Variants in RMDN2 observed in about 807,000 individuals in gnomAD.
RMDN2 encodes regulator of microtubule dynamics 2, also known as regulator of microtubule dynamics protein 2.
A neutral mutation model predicts 52.8 loss-of-function variants in RMDN2; 61 were observed. The ratio of observed to expected loss-of-function variants is 1.16; its 90% confidence interval spans 0.94 to 1.43. RMDN2 has a LOEUF of 1.43. Among genes scored for constraint, RMDN2 ranks in the 40% most tolerant of loss-of-function variants. The probability of loss-of-function intolerance (pLI) is 0.00; values close to 1 mark genes in which losing one functional copy is unlikely to be tolerated. For synonymous variants in RMDN2, 180 were observed against 153.1 expected, an observed-to-expected ratio of 1.18 and a Z score of -1.30; for missense variants, 592 against 475.3, an observed-to-expected ratio of 1.25 and a Z score of -2.28.
chr2:38,009,173 A>G (rs1171004983), intron 10 of RMDN2, among the ~76,000 whole-genome samples: 1 of 152,056 alleles, frequency 6.6e-6, no homozygotes, highest in Non-Finnish European at 1.5e-5. Context: ...GAATCTGACA[A>G]TTACATGTCT....
In RMDN2 at chr2:38,044,253, T is replaced by C. The variant is rs147414103; in HGVS notation, c.1714-22729T>C. ...CTTGATAAGAAATCTGATGTAATTC[T>C]TATTGTTGTCTCTCTACAGGTAAAG... On this transcript the variant is annotated intron_variant, in intron 10 of 10. Coordinates refer to the RMDN2 transcript ENST00000234195. 7.1e-3 allele frequency among the ~76,000 whole-genome samples: 1,081 copies of C among 152,218 alleles called. 11 individuals are homozygous for C. Among genetic ancestry groups the C allele is most frequent in the African/African-American group, 0.025 (1,027 of 41,586 alleles).
At chr2:38,015,711 C>G (rs574466712) in intron 10 of RMDN2, among the ~76,000 whole-genome samples, 1 of 152,316 alleles carries the variant, frequency 6.6e-6, no homozygotes. Flanking sequence ...AAACCAGCAT[C>G]CGGGCAAGAA....
upstream of RMDN2, among the ~76,000 whole-genome samples, chr2:37,922,485 C>T (rs572708942): frequency 6.6e-6 from 1 of 152,094 alleles, no homozygotes; most frequent in African/African-American, 2.4e-5. Context: ...TACATTTCCT[C>T]ATGCTTTTCC....
chr2:38,045,055 G>C (rs1039598388), intron 10 of RMDN2, among the ~76,000 whole-genome samples: 1 of 150,772 alleles, frequency 6.6e-6, no homozygotes, highest in African/African-American at 2.4e-5. Flanking sequence ...GATTATTTTT[G>C]TCCTTTTTGT....
chr2:38,010,578 G>T (rs934857799), intron 10 of RMDN2, among the ~76,000 whole-genome samples: 3 of 152,152 alleles, frequency 2.0e-5, no homozygotes, highest in Non-Finnish European at 4.4e-5. Context: ...TATTAGGGTG[G>T]GAGTGACCCG....
chr2:38,000,869 G>A (rs1676223914), intron 8 of RMDN2, among the ~76,000 whole-genome samples: 1 of 152,198 alleles, frequency 6.6e-6, no homozygotes, highest in African/African-American at 2.4e-5. Context: ...GGGTGGAATT[G>A]TTGTGTCATA....
At chr2:38,066,232 C>G (rs1411585732) in intron 10 of RMDN2, among the ~76,000 whole-genome samples, 3 of 152,146 alleles carry the variant, frequency 2.0e-5, no homozygotes, top group African/African-American at 2.4e-5. Context: ...TATTTTAGTT[C>G]CATTTCTTCC....
intron 2 of RMDN2, among the ~76,000 whole-genome samples, chr2:37,960,334 G>C (rs983049641): frequency 5.2e-4 from 62 of 118,418 alleles, no homozygotes; most frequent in African/African-American, 2.3e-3. Flanking sequence ...TCCTGTATTG[G>C]GTGTATATAT....
intron 5 of RMDN2, among the ~76,000 whole-genome samples, chr2:37,981,636 G>C (rs1174779809): frequency 6.6e-6 from 1 of 152,094 alleles, no homozygotes; most frequent in Non-Finnish European, 1.5e-5. Flanking sequence ...ATAACATTTT[G>C]CTTGAACACA....
intron 2 of RMDN2, among the ~76,000 whole-genome samples, chr2:37,935,552 A>G (rs1343135338): frequency 1.3e-5 from 2 of 152,196 alleles, no homozygotes; most frequent in Non-Finnish European, 2.9e-5. Flanking sequence ...ATGAAACATC[A>G]CGTATATAAT....
intron 5 of RMDN2, among the ~76,000 whole-genome samples, chr2:37,983,299 C>G (rs1673572590): frequency 6.6e-6 from 1 of 152,178 alleles, no homozygotes; most frequent in African/African-American, 2.4e-5. Context: ...CATTAAGTAC[C>G]TTGAAATGTA....
intron 10 of RMDN2, among the ~76,000 whole-genome samples, chr2:38,041,427 G>GTTTTTTTTT (rs3057329): frequency 8.3e-6 from 1 of 120,078 alleles, no homozygotes; most frequent in East Asian, 2.7e-4. Flanking sequence ...TTTTTTATTG[G>GTTTTTTTTT]TTTTTTTTTT....
intron 2 of RMDN2, among the ~76,000 whole-genome samples, chr2:37,943,766 A>T (rs1419899731): frequency 1.3e-5 from 2 of 152,162 alleles, no homozygotes; most frequent in South Asian, 2.1e-4. Flanking sequence ...CTATCCTTCT[A>T]AATTAACTTT....
intron 8 of RMDN2, chr2:37,998,327 G>A (rs111797186): frequency 0.12 from 18,214 of 152,344 alleles, 1,345 homozygotes; most frequent in Non-Finnish European, 0.16. Context: ...AGGAGTTTGA[G>A]ACCAGCCTGG....
At chr2:37,997,246 G>A (rs1675675846) in intron 7 of RMDN2, among the ~76,000 whole-genome samples, 170 bp from the exon 8 acceptor site, 1 of 152,068 alleles carries the variant, frequency 6.6e-6, no homozygotes, top group African/African-American at 2.4e-5. Flanking sequence ...TACCATGAGG[G>A]TGGTATCTCT....
At chr2:38,063,504 T>G (rs529268090) in intron 10 of RMDN2, among the ~76,000 whole-genome samples, 2 of 152,296 alleles carry the variant, frequency 1.3e-5, no homozygotes, top group South Asian at 4.1e-4. Context: ...AAGGACTTCA[T>G]GTCTAAAACA....
chr2:37,937,232 C>G (rs1179548385), intron 2 of RMDN2, among the ~76,000 whole-genome samples: 2 of 152,126 alleles, frequency 1.3e-5, no homozygotes, highest in African/African-American at 4.8e-5. Context: ...GGTGTTATTT[C>G]TGAAGCCTCT....
intron 2 of RMDN2, among the ~76,000 whole-genome samples, chr2:37,967,390 C>T (rs1475640476): frequency 6.6e-6 from 1 of 152,104 alleles, no homozygotes; most frequent in East Asian, 1.9e-4. Flanking sequence ...GGAATCATAA[C>T]AGGAGATGAA....
At chr2:37,934,019 G>T (rs1667085736) in intron 2 of RMDN2, among the ~76,000 whole-genome samples, 1 of 152,102 alleles carries the variant, frequency 6.6e-6, no homozygotes, top group African/African-American at 2.4e-5. Flanking sequence ...TTTTTAAGGT[G>T]GGATGTGCTC....
Sources: allele counts gnomAD v4.1 joint callset (sites outside exome capture counted in the v4.1 genomes callset), GRCh38; gene constraint gnomAD v4.1.1; transcripts MANE v1.5; gene names NCBI Gene and HGNC (gene_info 2026-07-23, HGNC 2026-07-21).